SPIDR: variants seen among roughly 807,000 people sequenced by gnomAD.
The protein encoded by SPIDR is scaffold protein involved in DNA repair.
A neutral mutation model predicts 104.6 loss-of-function variants in SPIDR; 93 were observed. That is an observed-to-expected ratio of 0.89 (90% CI 0.75 to 1.06). The LOEUF is 1.06. Among genes scored for constraint, SPIDR ranks in the 50% least tolerant of loss-of-function variants. SPIDR has a pLI of 0.00. For missense variants in SPIDR, 1,154 were observed against 1,111.2 expected, an observed-to-expected ratio of 1.04 and a Z score of -0.55; for synonymous variants, 431 against 416.9, an observed-to-expected ratio of 1.03 and a Z score of -0.41.
chr8:47,507,184 TTGTC>T (rs1210865975), intron 8 of SPIDR, among the ~76,000 whole-genome samples: 5 of 152,324 alleles, frequency 3.3e-5, no homozygotes, highest in African/African-American at 9.6e-5. Context: ...TCTTCCTCCT[TTGTC>T]TGTGCTGGTC....
intron 8 of SPIDR, among the ~76,000 whole-genome samples, chr8:47,559,788 A>G (rs1236202276): frequency 1.3e-5 from 2 of 152,186 alleles, no homozygotes; most frequent in Admixed American, 6.5e-5. Flanking sequence ...GAAAGACTCT[A>G]TGTGATTGCA....
intron 16 of SPIDR, among the ~76,000 whole-genome samples, chr8:47,717,431 C>T (rs2154490673): frequency 6.6e-6 from 1 of 152,302 alleles, no homozygotes; most frequent in South Asian, 2.1e-4. Context: ...AGAATCGCCA[C>T]CACCCATAGC....
chr8:47,624,698 A>G (rs1293344222), intron 10 of SPIDR, among the ~76,000 whole-genome samples: 1 of 152,228 alleles, frequency 6.6e-6, no homozygotes, highest in African/African-American at 2.4e-5. Context: ...AAGAAGTTGA[A>G]TCTCTGAATA....
intron 10 of SPIDR, among the ~76,000 whole-genome samples, chr8:47,647,616 A>AAGAGAG (rs369414271): frequency 0.13 from 7,915 of 60,498 alleles, 569 homozygotes; most frequent in South Asian, 0.17. Flanking sequence ...TCCATCTCGA[A>AAGAGAG]AGAGAGAGAG....
At chr8:47,598,405 A>G (rs960188763) in intron 9 of SPIDR, among the ~76,000 whole-genome samples, 1 of 152,192 alleles carries the variant, frequency 6.6e-6, no homozygotes, top group Non-Finnish European at 1.5e-5. Context: ...GTACATTTAA[A>G]AGCCTGGAAT....
intron 11 of SPIDR, among the ~76,000 whole-genome samples, chr8:47,689,149 G>A (rs551101806): frequency 7.9e-5 from 12 of 152,270 alleles, no homozygotes; most frequent in East Asian, 1.9e-4. Flanking sequence ...GAGGGGGAGC[G>A]GATAGCATTC....
chr8:47,571,484 A>G (rs1344745062), intron 8 of SPIDR, among the ~76,000 whole-genome samples: 1 of 152,272 alleles, frequency 6.6e-6, no homozygotes, highest in Non-Finnish European at 1.5e-5. Flanking sequence ...GAAAAATAGA[A>G]TCATATATAT....
At chr8:47,700,281 A>C in intron 11 of SPIDR, 122 bp from the exon 12 acceptor site, 1 of 1,011,288 alleles carries the variant, frequency 9.9e-7, no homozygotes, top group South Asian at 1.3e-5. Flanking sequence ...ATCGCCACAC[A>C]TCTCGAATTG....
intron 1 of SPIDR, among the ~76,000 whole-genome samples, chr8:47,272,442 G>A (rs1253801264): frequency 6.6e-6 from 1 of 152,120 alleles, no homozygotes; most frequent in Non-Finnish European, 1.5e-5. Flanking sequence ...GTTGCCTGTC[G>A]TGTGTAGCTA....
chr8:47,576,883 C>CA (rs1444919456), intron 8 of SPIDR, among the ~76,000 whole-genome samples: 8 of 152,046 alleles, frequency 5.3e-5, no homozygotes, highest in Non-Finnish European at 1.2e-4. Context: ...TTGTATGTGA[C>CA]AAAACTGAGA....
chr8:47,396,401 A>T lies in SPIDR; in HGVS notation c.551A>T (p.Tyr184Phe). Residue 184 changes from tyrosine (Y) to phenylalanine (F), a missense_variant, in exon 6 of 20, where the codon TAT becomes TTT. Physicochemically the swap from Tyr to Phe is conservative, Grantham distance 22 (BLOSUM62 3). Coordinates refer to ENST00000297423, the MANE Select transcript of SPIDR (RefSeq NM_001080394.4). Reference sequence around the variant, plus strand: ...CCAAGTTCTATAGAAATTTTAGAGTATTCATCAGATAGTGAAAAAGAAGAT... The same window carrying T: ...CCAAGTTCTATAGAAATTTTAGAGTTTTCATCAGATAGTGAAAAAGAAGAT... ...PKPSSIEILE[Y>F]SSDSEKEDDL... 1 of 1,609,808 alleles carries T rather than the reference A, an allele frequency of 6.2e-7. No homozygotes were observed. Among genetic ancestry groups the T allele is most frequent in the East Asian group, 2.2e-5 (1 of 44,844 alleles).
rs374932834 is a variant in SPIDR at position 47,338,220 on chromosome 8, T to TC, written c.525+44191dup. ...GAAAGAGATTACATTCTTGTAATGATCTAGTGGTAAGCTTGGCCTGAAGAT... is the reference window on the plus strand; with the variant it reads ...GAAAGAGATTACATTCTTGTAATGATCCTAGTGGTAAGCTTGGCCTGAAGAT... On this transcript the variant is annotated intron_variant, in intron 5 of 19. Coordinates refer to ENST00000297423, the MANE Select transcript of SPIDR (RefSeq NM_001080394.4). 2.9e-3 allele frequency among the ~76,000 whole-genome samples: 438 copies of TC among 152,282 alleles called. 4 individuals are homozygous for TC. Among genetic ancestry groups the TC allele is most frequent in the Non-Finnish European group, 5.3e-3 (362 of 68,010 alleles).
At chr8:47,629,878 T>G (rs1241218704) in intron 10 of SPIDR, among the ~76,000 whole-genome samples, 10 of 152,258 alleles carry the variant, frequency 6.6e-5, no homozygotes, top group Non-Finnish European at 1.5e-4. Context: ...CCCTTGACTT[T>G]TCTTAAAGGG....
chr8:47,313,437 T>C, intron 5 of SPIDR, among the ~76,000 whole-genome samples: 1 of 152,274 alleles, frequency 6.6e-6, no homozygotes, highest in East Asian at 1.9e-4. Context: ...GGAAGAACAT[T>C]CCGTGCTCAT....
Position 47,689,974 on chromosome 8 carries a change from G to A in SPIDR, c.1686-10429G>A, listed in dbSNP as rs554096417. 3.4e-4 allele frequency among the ~76,000 whole-genome samples: 52 copies of A among 152,306 alleles called. 2 individuals carry two copies. The South Asian group carries it at 0.011, about 32-fold the overall frequency. On this transcript the variant is annotated intron_variant, in intron 11 of 19. Transcript: ENST00000297423. ...ATTATATGAGGGGAGGCTACTTGAT[G>A]TGTGAATTCAAGATAATAAGATGAA...
chr8:47,674,042 C>G, intron 11 of SPIDR, 101 bp downstream of exon 11: 1 of 1,421,038 alleles, frequency 7.0e-7, no homozygotes, highest in Non-Finnish European at 9.4e-7. Context: ...AGGCAATAAA[C>G]CAGGATCCTA....
intron 7 of SPIDR, among the ~76,000 whole-genome samples, chr8:47,438,581 C>T (rs1427885242): frequency 6.6e-6 from 1 of 152,184 alleles, no homozygotes; most frequent in Non-Finnish European, 1.5e-5. Flanking sequence ...TTCTTAGTGC[C>T]TTTCTTTACA....
At chr8:47,330,683 T>G in intron 5 of SPIDR, 1 of 440,542 alleles carries the variant, frequency 2.3e-6, no homozygotes, top group Non-Finnish European at 4.6e-6. Flanking sequence ...TTTCATAGCT[T>G]GATAACTTAT....
At chr8:47,598,272 TC>T (rs1489318658) in intron 9 of SPIDR, among the ~76,000 whole-genome samples, 1 of 152,248 alleles carries the variant, frequency 6.6e-6, no homozygotes, top group African/African-American at 2.4e-5. Flanking sequence ...CTCAGCCACT[TC>T]CTGCTGGGTC....
Sources: allele counts gnomAD v4.1 joint callset (sites outside exome capture counted in the v4.1 genomes callset), GRCh38; gene constraint gnomAD v4.1.1; transcripts MANE v1.5; gene names NCBI Gene and HGNC (gene_info 2026-07-23, HGNC 2026-07-21).